Variants in CDH13 observed in about 807,000 individuals in gnomAD.
CDH13 encodes cadherin-13.
CDH13 carries 24 observed loss-of-function variants against 63.8 expected under a neutral mutation model. The ratio of observed to expected loss-of-function variants is 0.38; its 90% confidence interval spans 0.27 to 0.53. CDH13 has a LOEUF of 0.53. Among genes scored for constraint, CDH13 ranks in the 20% least tolerant of loss-of-function variants. The pLI, the probability that CDH13 is intolerant of heterozygous loss-of-function variation, is 0.85. For missense variants in CDH13, 1,049 were observed against 903.1 expected (o/e 1.16, Z -2.07); for synonymous variants, 503 against 355.3 (o/e 1.42, Z -4.67).
chr16:83,081,172 C>T (rs2033227808), intron 3 of CDH13, among the ~76,000 whole-genome samples: 1 of 152,010 alleles, frequency 6.6e-6, no homozygotes, highest in African/African-American at 2.4e-5. Context: ...TGAGCCACCG[C>T]ACCTGGCAAG....
At chr16:83,013,662 A>G (rs1362359103) in intron 2 of CDH13, among the ~76,000 whole-genome samples, 1 of 152,258 alleles carries the variant, frequency 6.6e-6, no homozygotes, top group East Asian at 1.9e-4. Context: ...CCTCAGAGTT[A>G]GATGTCAGTG....
chr16:82,973,771 A>G (rs1195838788), intron 2 of CDH13, among the ~76,000 whole-genome samples: 1 of 152,224 alleles, frequency 6.6e-6, no homozygotes, highest in East Asian at 1.9e-4. Flanking sequence ...CTAGGCAGCC[A>G]TCAACAAGGT....
chr16:83,169,200 C>T (rs545506944), intron 4 of CDH13, among the ~76,000 whole-genome samples: 12 of 143,536 alleles, frequency 8.4e-5, no homozygotes, highest in Middle Eastern at 3.6e-3. Flanking sequence ...TTTTTTGAGA[C>T]GGCATCTCAC....
At chr16:83,663,591 G>C (rs1268752168) in intron 8 of CDH13, among the ~76,000 whole-genome samples, 1 of 152,170 alleles carries the variant, frequency 6.6e-6, no homozygotes, top group Non-Finnish European at 1.5e-5. Context: ...CTTTATGAAA[G>C]ATGTGACATT....
At chr16:82,976,920 T>C (rs1909594878) in intron 2 of CDH13, among the ~76,000 whole-genome samples, 1 of 152,090 alleles carries the variant, frequency 6.6e-6, no homozygotes, top group Admixed American at 6.5e-5. Context: ...CAAAAGACAA[T>C]GGCTTGTTCT....
At chr16:83,171,722 G>A (rs770075443) in intron 4 of CDH13, among the ~76,000 whole-genome samples, 6 of 152,008 alleles carry the variant, frequency 3.9e-5, no homozygotes, top group Non-Finnish European at 7.4e-5. Flanking sequence ...GAACCTCTTC[G>A]TCTTTCTGAG....
At chr16:82,797,825 A>C (rs2036663216) in intron 1 of CDH13, among the ~76,000 whole-genome samples, 2 of 147,218 alleles carry the variant, frequency 1.4e-5, no homozygotes, top group African/African-American at 2.5e-5. Context: ...GTGTATGTGT[A>C]CATACTTTTC....
intron 5 of CDH13, among the ~76,000 whole-genome samples, chr16:83,303,355 C>T (rs2089795091): frequency 6.6e-6 from 1 of 152,176 alleles, no homozygotes; most frequent in Admixed American, 6.5e-5. Context: ...ATACAACTTT[C>T]TTCATTGGGG....
chr16:82,859,640 C>T (rs1353128752), intron 2 of CDH13: 1 of 151,846 alleles, frequency 6.6e-6, no homozygotes, highest in East Asian at 1.9e-4. Context: ...GAAGGTGATT[C>T]CACATTGGCT....
intron 5 of CDH13, among the ~76,000 whole-genome samples, chr16:83,298,530 T>G (rs1481751288): frequency 6.6e-6 from 1 of 152,192 alleles, no homozygotes; most frequent in Non-Finnish European, 1.5e-5. Context: ...TCATTTCCTT[T>G]TGCTGCAGTA....
At position 82,998,591 on chromosome 16, in the gene CDH13, C is replaced by T. The variant is rs550663579; in HGVS notation, c.158-33419C>T. 3.6e-4 allele frequency among the ~76,000 whole-genome samples: 55 copies of T among 152,216 alleles called. 1 individual carries two copies. The highest frequency in any genetic ancestry group is 1.7e-3 in the South Asian group (8 of 4,818). On this transcript the variant is annotated intron_variant, in intron 2 of 13. Coordinates refer to ENST00000567109, the MANE Select transcript of CDH13 (RefSeq NM_001257.5). Reference sequence around the variant, plus strand: ...TGCTTGGACCTTGTTTCATCCAATACCTCATGCCACTCTCAGCTTTCCAAT... The same window carrying T: ...TGCTTGGACCTTGTTTCATCCAATATCTCATGCCACTCTCAGCTTTCCAAT...
intron 7 of CDH13, among the ~76,000 whole-genome samples, chr16:83,525,155 T>C (rs922146898): frequency 6.6e-6 from 1 of 152,188 alleles, no homozygotes; most frequent in Non-Finnish European, 1.5e-5. Context: ...GTTGGCTCTA[T>C]CTGTGCCTCA....
At chr16:83,632,288 A>AC (rs143798756) in intron 8 of CDH13, among the ~76,000 whole-genome samples, 132,562 of 152,066 alleles carry the variant, frequency 0.87, 57,860 homozygotes, top group Middle Eastern at 0.96. Context: ...CAGTGAAATT[A>AC]GAGATGACTC....
chr16:83,584,335 T>G (rs1198607541), intron 7 of CDH13, among the ~76,000 whole-genome samples: 1 of 152,070 alleles, frequency 6.6e-6, no homozygotes. Flanking sequence ...TCTCAAAAAT[T>G]TTTAAAAAAT....
chr16:82,963,056 C>T (rs1018792650), intron 2 of CDH13, among the ~76,000 whole-genome samples: 3 of 151,910 alleles, frequency 2.0e-5, no homozygotes, highest in East Asian at 1.9e-4. Context: ...GATCTTTATC[C>T]GTTTAACCAA....
At chr16:83,498,904 C>A (rs1159642949) in intron 7 of CDH13, among the ~76,000 whole-genome samples, 1 of 152,214 alleles carries the variant, frequency 6.6e-6, no homozygotes, top group Middle Eastern at 3.4e-3. Context: ...TTCTATAGCT[C>A]GGTTTTAGGA....
At chr16:82,785,456 T>G (rs935414648) in intron 1 of CDH13, among the ~76,000 whole-genome samples, 16 of 152,194 alleles carry the variant, frequency 1.1e-4, no homozygotes. Flanking sequence ...GGACTTTGAT[T>G]AGTATGCATA....
intron 10 of CDH13, among the ~76,000 whole-genome samples, chr16:83,683,303 T>C (rs373184071): frequency 6.6e-6 from 1 of 152,330 alleles, no homozygotes; most frequent in African/African-American, 2.4e-5. Flanking sequence ...ATCCTTATTA[T>C]AAAGTTAAGA....
At chr16:83,128,694 A>C (rs898980045) in intron 4 of CDH13, among the ~76,000 whole-genome samples, 2 of 152,220 alleles carry the variant, frequency 1.3e-5, no homozygotes, top group African/African-American at 4.8e-5. Context: ...ATTTTCTCAC[A>C]AGCCTCTTTT....
Sources: gnomAD v4.1 joint callset for allele counts (sites outside exome capture counted in the v4.1 genomes callset) on GRCh38, gnomAD v4.1.1 for gene constraint, MANE v1.5 for transcripts, NCBI Gene and HGNC (gene_info 2026-07-23, HGNC 2026-07-21) for gene names.